Variants in RAI1 observed in about 807,000 individuals in gnomAD.
The protein encoded by RAI1 is retinoic acid-induced protein 1.
A neutral mutation model predicts 123.8 loss-of-function variants in RAI1; 9 were observed. The observed-to-expected ratio is 0.07, with a 90% CI of 0.04 to 0.13. The LOEUF is 0.13. Ranked by LOEUF, RAI1 falls within the 10% of genes least tolerant of loss-of-function variation. The probability of loss-of-function intolerance (pLI) is 1.00; values close to 1 mark genes in which losing one functional copy is unlikely to be tolerated. For missense variants in RAI1, 2,256 were observed against 2,545.8 expected (o/e 0.89, Z 2.45); for synonymous variants, 1,231 against 1,127.3 (o/e 1.09, Z -1.84).
At position 17,800,321 on chromosome 17, in the gene RAI1, G is replaced by A. The variant is rs2032420390; in HGVS notation, c.5565+1808G>A. The stretch of plus-strand genomic sequence containing the variant: ...CTCAGATCACCAGCCCCAGCTGGCT[G>A]CCACCTCCCCTGCTTCACAGCCCCA... On this transcript the variant is annotated intron_variant, in intron 3 of 5. Coordinates refer to ENST00000353383, the MANE Select transcript of RAI1 (RefSeq NM_030665.4). The surrounding 1 kb of genome is among the most constrained non-coding windows in gnomAD (Gnocchi z 4.7). Among the ~76,000 whole-genome samples, 1 of 151,574 alleles carries A rather than the reference G, an allele frequency of 6.6e-6. No homozygotes were observed. Among genetic ancestry groups the A allele is most frequent in the African/African-American group, 2.4e-5 (1 of 41,244 alleles).
At chr17:17,759,154 A>AAGAT in intron 2 of RAI1, 1 of 152,174 alleles carries the variant, frequency 6.6e-6, no homozygotes, top group South Asian at 2.1e-4. Context: ...GCAAGCTGTT[A>AAGAT]AGATGCACCT....
intron 2 of RAI1, among the ~76,000 whole-genome samples, chr17:17,730,805 GC>G (rs896636090): frequency 1.6e-4 from 25 of 152,358 alleles, no homozygotes; most frequent in Admixed American, 1.6e-3. Context: ...GACTTTGTTG[GC>G]CCAGGAGGGT....
In RAI1 at chr17:17,795,724, A is replaced by G. The variant is rs1555565578; in HGVS notation, c.2776A>G (p.Ile926Val). 1.2e-6 allele frequency: 2 copies of G among 1,613,372 alleles called. No individual in the cohort carries two copies. Among genetic ancestry groups the G allele is most frequent in the Non-Finnish European group, 1.7e-6 (2 of 1,180,010 alleles). ...SPCHLSGESV[I>V]LLGPTVGTES... ...GTGCCACCTCTCAGGGGAGTCCGTC[A>G]TCCTGCTGGGCCCTACAGTGGGCAC... The change falls in exon 3 of 6, where the codon ATC (isoleucine) becomes GTC (valine). Residue 926 changes from isoleucine (I) to valine (V), a missense_variant. By Grantham distance (29) the Ile-to-Val change is conservative (BLOSUM62 3). Around this residue, in one of 7 missense-constraint regions of RAI1, gnomAD observed 566 missense variants for 616.0 expected, o/e 0.92. Coordinates refer to ENST00000353383, the MANE Select transcript of RAI1 (RefSeq NM_030665.4). The surrounding 1 kb of genome is among the most constrained non-coding windows in gnomAD (Gnocchi z 5.9).
Position 17,794,957 on chromosome 17 carries a change from C to A in RAI1, c.2009C>A (p.Ser670Tyr), listed in dbSNP as rs1448730833. 1.9e-6 allele frequency: 3 copies of A among 1,613,780 alleles called. No homozygotes were observed. The highest frequency in any genetic ancestry group is 2.2e-5 in the South Asian group (2 of 91,084). ...GGGGAGCCGGAGGCCCTGCCCGACT[C>A]CTTGCAGCTGGACAAGGGCGGCAAT... ...RPGEPEALPD[S>Y]LQLDKGGNAK... is the part of the protein sequence containing the mutation. Residue 670 changes from serine to tyrosine, a missense_variant, in exon 3 of 6, where the codon TCC (serine) becomes TAC (tyrosine). Ser to Tyr is a moderately radical substitution (Grantham distance 144). Coordinates refer to ENST00000353383, the MANE Select transcript of RAI1 (RefSeq NM_030665.4).
rs567777621 is a variant in RAI1, at chr17:17,700,917, TAATG to T, written c.-149+19125_-149+19128del. 4.9e-3 allele frequency among the ~76,000 whole-genome samples: 739 copies of T among 152,302 alleles called. 3 individuals are homozygous for T. The highest frequency in any genetic ancestry group is 7.2e-3 in the Non-Finnish European group (490 of 68,008). On this transcript the variant is annotated intron_variant, in intron 1 of 5. Transcript: ENST00000353383. ...CCACCCTGCTCTGCACGAACAATAA[TAATG>T]GTGGTTGCACATTACGTGCCAGGCG...
Position 17,714,619 on chromosome 17 carries a change from G to A in RAI1, c.-148-9409G>A, listed in dbSNP as rs879933790. Among the ~76,000 whole-genome samples the A allele has an allele frequency of 6.6e-6, 1 of 152,176 alleles. No homozygotes were observed. The highest frequency in any genetic ancestry group is 1.5e-5 in the Non-Finnish European group (1 of 68,036). ...CCCATTTTAAAGGTGAAAAACCTGA[G>A]GCTCAGAAACGTAACGGGAAGCAGC... On this transcript the variant is annotated intron_variant, in intron 1 of 5. Coordinates refer to ENST00000353383, the MANE Select transcript of RAI1 (RefSeq NM_030665.4). This position sits in a 1 kb window ranked among gnomAD's most constrained non-coding sequence, Gnocchi z 4.9.
Position 17,783,474 on chromosome 17 carries a change from GGATTTTCTC to G in RAI1, c.-16-9458_-16-9450del, listed in dbSNP as rs2031692239. ...TTACCTGCCCCTGAGGGAGTCCTGC[GGATTTTCTC>G]CGGCAGCAGCAGGCGCTCTGCCTTT... On this transcript the variant is annotated intron_variant, in intron 2 of 5. Transcript: ENST00000353383. Among the ~76,000 whole-genome samples, 3 of 152,108 alleles carry G rather than the reference GGATTTTCTC, an allele frequency of 2.0e-5. No individual in the cohort carries two copies. The South Asian group carries it at 6.2e-4, about 32-fold the overall frequency.
intron 1 of RAI1, among the ~76,000 whole-genome samples, chr17:17,698,587 G>T (rs1394999180): frequency 6.6e-6 from 1 of 152,236 alleles, no homozygotes; most frequent in African/African-American, 2.4e-5. Context: ...AGGTGAGGGG[G>T]TGGGCCAGCC....
intron 1 of RAI1, among the ~76,000 whole-genome samples, chr17:17,686,281 C>T (rs560350047): frequency 0.011 from 1,263 of 115,162 alleles, 7 homozygotes; most frequent in Non-Finnish European, 0.016. Context: ...GGATCTTGTG[C>T]TGTCAGCCTT....
At position 17,809,334 on chromosome 17, in the gene RAI1, C is replaced by A; in HGVS notation, c.5660-56C>A. ...CCCCTCCTGGCTGCAGACAAAACCC[C>A]ACAGCTGTGGGGCCCCCACCCTGTC... On this transcript the variant is annotated intron_variant, in intron 4 of 5. Coordinates refer to ENST00000353383, the MANE Select transcript of RAI1 (RefSeq NM_030665.4). This position sits in a 1 kb window ranked among gnomAD's most constrained non-coding sequence, Gnocchi z 4.9. 6.7e-7 allele frequency: 1 copy of A among 1,500,644 alleles called. No homozygotes were observed. Among genetic ancestry groups the A allele is most frequent in the South Asian group, 1.1e-5 (1 of 88,660 alleles). 93.0% of individuals were successfully genotyped at this position (1,500,644 alleles called of 1,614,324 possible).
intron 2 of RAI1, among the ~76,000 whole-genome samples, chr17:17,786,803 G>T (rs1164113168): frequency 6.6e-6 from 1 of 152,240 alleles, no homozygotes; most frequent in Non-Finnish European, 1.5e-5. Flanking sequence ...GCCAGGAGTG[G>T]TGGCTCACGC....
rs957106673 is a variant in RAI1 at position 17,793,689 on chromosome 17, T to C, written c.741T>C (p.His247=). 1 of 1,613,062 alleles carries C rather than the reference T, an allele frequency of 6.2e-7. No homozygotes were observed. Among genetic ancestry groups the C allele is most frequent in the Non-Finnish European group, 8.5e-7 (1 of 1,180,018 alleles). ...GCACAGCACCGACTGCCCAGCCCCA[T>C]GACAGGCCGCTGACTGCCAGCTCCA... ...KSCTAPTAQP[H]DRPLTASSSL... The change falls in exon 3 of 6, where the codon CAT becomes CAC. Residue 247 remains histidine, a synonymous_variant. Transcript: ENST00000353383.
In RAI1 at chr17:17,799,078, G is replaced by A. The variant is rs543845883; in HGVS notation, c.5565+565G>A. Among the ~76,000 whole-genome samples the A allele has an allele frequency of 3.9e-5, 6 of 152,260 alleles. No homozygotes were observed. Among genetic ancestry groups the A allele is most frequent in the South Asian group, 4.1e-4 (2 of 4,828 alleles). ...GTCACACAGTCACAACAGGCAGGGCGGGGCAGATCCAGACCCTCTCACCAT... is the reference window on the plus strand; with the variant it reads ...GTCACACAGTCACAACAGGCAGGGCAGGGCAGATCCAGACCCTCTCACCAT... On this transcript the variant is annotated intron_variant, in intron 3 of 5. Coordinates refer to ENST00000353383, the MANE Select transcript of RAI1 (RefSeq NM_030665.4). This position sits in a 1 kb window ranked among gnomAD's most constrained non-coding sequence, Gnocchi z 4.5.
chr17:17,752,858 C>G (rs2030266370), intron 2 of RAI1, among the ~76,000 whole-genome samples: 1 of 152,230 alleles, frequency 6.6e-6, no homozygotes, highest in Admixed American at 6.5e-5. Flanking sequence ...GTTTATATCT[C>G]TTTTTGTGCA....
In RAI1 at chr17:17,710,103, AC is replaced by A. The variant is rs1405297243; in HGVS notation, c.-148-13923del. ...CCACGCTCATGTCAGGATTCTGAAG[AC>A]CTCGAGCACACACAGACACGCACCT... On this transcript the variant is annotated intron_variant, in intron 1 of 5. Coordinates refer to ENST00000353383, the MANE Select transcript of RAI1 (RefSeq NM_030665.4). 7.2e-5 allele frequency among the ~76,000 whole-genome samples: 11 copies of A among 152,284 alleles called. No individual in the cohort carries two copies. The South Asian group carries it at 1.0e-3, about 14-fold the overall frequency.
At position 17,714,182 on chromosome 17, in the gene RAI1, G is replaced by A. The variant is rs1915645736; in HGVS notation, c.-148-9846G>A. Among the ~76,000 whole-genome samples, 1 of 152,268 alleles carries A rather than the reference G, an allele frequency of 6.6e-6. No individual in the cohort carries two copies. The highest frequency in any genetic ancestry group is 2.4e-5 in the African/African-American group (1 of 41,540). On this transcript the variant is annotated intron_variant, in intron 1 of 5. Transcript: ENST00000353383. This position sits in a 1 kb window ranked among gnomAD's most constrained non-coding sequence, Gnocchi z 4.9. The stretch of plus-strand genomic sequence containing the variant: ...ATATGGAGGTGAAATCTGTCTTCCT[G>A]TTGCTTCCTCAGCTCCCTCTCTGAA...
At chr17:17,701,475 ACTCTT>A (rs772284331) in intron 1 of RAI1, among the ~76,000 whole-genome samples, 2 of 150,098 alleles carry the variant, frequency 1.3e-5, no homozygotes, top group Non-Finnish European at 1.5e-5. Flanking sequence ...CCCTTCTCTC[ACTCTT>A]CTCTTTTTGC....
rs371996702 is a variant in RAI1, at chr17:17,795,861, T to G, written c.2913T>G (p.Ser971=). The G allele has an allele frequency of 1.2e-6, 2 of 1,612,882 alleles. No individual in the cohort carries two copies. Among genetic ancestry groups the G allele is most frequent in the East Asian group, 4.5e-5 (2 of 44,882 alleles). Residue 971 remains serine, a synonymous_variant, in exon 3 of 6, where the codon TCT becomes TCG. Coordinates refer to ENST00000353383, the MANE Select transcript of RAI1 (RefSeq NM_030665.4). This position sits in a 1 kb window ranked among gnomAD's most constrained non-coding sequence, Gnocchi z 5.9. ...GGGATTCCACCACCTCGGACGCCTCTCTGGCCCAGAAGCCCAACAAGCCTG... is the reference window on the plus strand; with the variant it reads ...GGGATTCCACCACCTCGGACGCCTCGCTGGCCCAGAAGCCCAACAAGCCTG... ...APGDSTTSDA[S]LAQKPNKPAV... is the part of the protein sequence containing the mutation.
chr17:17,763,796 T>G lies in RAI1; in HGVS notation c.-16-29137T>G, dbSNP rs139354223. 1.5e-3 allele frequency among the ~76,000 whole-genome samples: 227 copies of G among 152,332 alleles called. 1 individual carries two copies. Among genetic ancestry groups the G allele is most frequent in the African/African-American group, 5.3e-3 (220 of 41,590 alleles). ...TGTACTCCTCAAGATAGGCTGGGCG[T>G]GCTGCATAACAAATATCCCCAAATA... is the stretch of plus-strand genomic sequence containing the variant. On this transcript the variant is annotated intron_variant, in intron 2 of 5. Coordinates refer to ENST00000353383, the MANE Select transcript of RAI1 (RefSeq NM_030665.4).
Sources: gnomAD v4.1 joint callset for allele counts (sites outside exome capture counted in the v4.1 genomes callset) on GRCh38, gnomAD v4.1.1 for gene constraint, gnomAD v4.1.1 regional missense constraint, Gnocchi (gnomAD v3.1) non-coding constraint, MANE v1.5 for transcripts, NCBI Gene and HGNC (gene_info 2026-07-23, HGNC 2026-07-21) for gene names.